RBFOX1: variants seen among roughly 807,000 people sequenced by gnomAD.
RBFOX1 encodes the protein RNA binding fox-1 homolog 1.
Under a neutral mutation model 57.7 loss-of-function variants are expected in RBFOX1, and 8 were observed. The observed-to-expected ratio is 0.14, with a 90% CI of 0.08 to 0.25. RBFOX1 has a LOEUF of 0.25. RBFOX1 is among the 10% of genes least tolerant of loss of function. The probability of loss-of-function intolerance (pLI) is 1.00; values close to 1 mark genes in which losing one functional copy is unlikely to be tolerated. For synonymous variants in RBFOX1, 326 were observed against 222.4 expected, an observed-to-expected ratio of 1.47 and a Z score of -4.15; for missense variants, 611 against 548.5, an observed-to-expected ratio of 1.11 and a Z score of -1.14.
chr16:6,158,783 C>T (rs1197317886), intron 1 of RBFOX1, among the ~76,000 whole-genome samples: 3 of 152,142 alleles, frequency 2.0e-5, no homozygotes, highest in Non-Finnish European at 4.4e-5. Context: ...TTATATTGCT[C>T]TGGGAAACTG....
intron 1 of RBFOX1, among the ~76,000 whole-genome samples, chr16:5,391,890 T>TACACAC (rs746461930): frequency 0.014 from 2,006 of 147,234 alleles, 47 homozygotes; most frequent in African/African-American, 0.046. Context: ...TGTGTGTGTA[T>TACACAC]ACACACACAC....
intron 3 of RBFOX1, among the ~76,000 whole-genome samples, chr16:6,983,237 A>G (rs922842836): frequency 1.3e-5 from 2 of 152,036 alleles, no homozygotes; most frequent in Admixed American, 6.6e-5. Context: ...CCTCTTGGTG[A>G]TGGCAGAGCT....
At chr16:5,868,446 A>G (rs28623442) in intron 4 of RBFOX1, among the ~76,000 whole-genome samples, 17,492 of 152,218 alleles carry the variant, frequency 0.11, 1,555 homozygotes, top group African/African-American at 0.24. Context: ...GGATGGTTAT[A>G]TCTCCCTTTG....
intron 4 of RBFOX1, among the ~76,000 whole-genome samples, chr16:7,515,467 C>A (rs758798457): frequency 6.7e-6 from 1 of 149,704 alleles, no homozygotes; most frequent in Non-Finnish European, 1.5e-5. Flanking sequence ...TTAAATCTCT[C>A]CACACACACA....
chr16:5,655,092 T>C (rs1281001068), intron 3 of RBFOX1, among the ~76,000 whole-genome samples: 1 of 152,162 alleles, frequency 6.6e-6, no homozygotes, highest in Non-Finnish European at 1.5e-5. Flanking sequence ...GAGACAAATC[T>C]AAGAGCAGGG....
chr16:5,645,081 CAA>C (rs55903936), intron 3 of RBFOX1, among the ~76,000 whole-genome samples: 97,686 of 144,640 alleles, frequency 0.68, 33,474 homozygotes, highest in Non-Finnish European at 0.75. Flanking sequence ...ACTAAAAATA[CAA>C]AAAAAAAAAA....
chr16:5,344,646 A>G (rs1726076268), intron 1 of RBFOX1, among the ~76,000 whole-genome samples: 1 of 152,166 alleles, frequency 6.6e-6, no homozygotes, highest in Non-Finnish European at 1.5e-5. Flanking sequence ...AGTTTGTGGC[A>G]GGGGAAACCT....
intron 2 of RBFOX1, among the ~76,000 whole-genome samples, chr16:6,366,729 C>T (rs1349099383): frequency 6.6e-6 from 1 of 152,168 alleles, no homozygotes; most frequent in Non-Finnish European, 1.5e-5. Context: ...ACAGAGGAGG[C>T]AACTGAGTCA....
chr16:7,108,735 G>T (rs1219491238), intron 4 of RBFOX1, among the ~76,000 whole-genome samples: 1 of 152,132 alleles, frequency 6.6e-6, no homozygotes, highest in African/African-American at 2.4e-5. Flanking sequence ...AGCACTAGTG[G>T]AAATTTATCT....
chr16:5,953,049 G>A (rs2059552489), intron 4 of RBFOX1, among the ~76,000 whole-genome samples: 3 of 141,108 alleles, frequency 2.1e-5, no homozygotes, highest in African/African-American at 7.8e-5. Context: ...ATCTCCTGCG[G>A]AAGATTATCA....
intron 1 of RBFOX1, among the ~76,000 whole-genome samples, chr16:5,434,145 G>A (rs569176258): frequency 2.6e-5 from 4 of 152,126 alleles, no homozygotes; most frequent in Admixed American, 6.5e-5. Context: ...TCATAGCTGC[G>A]TTTTGTTTTA....
chr16:6,579,493 G>A (rs1267062534), intron 2 of RBFOX1, among the ~76,000 whole-genome samples: 1 of 152,168 alleles, frequency 6.6e-6, no homozygotes, highest in African/African-American at 2.4e-5. Flanking sequence ...CTTCCATGCT[G>A]TTCTTGGGAT....
chr16:6,408,636 C>G (rs924702649), intron 2 of RBFOX1, among the ~76,000 whole-genome samples: 11 of 152,110 alleles, frequency 7.2e-5, no homozygotes, highest in East Asian at 1.9e-4. Flanking sequence ...GCCAGTTTCT[C>G]TCCTCTTCCC....
intron 1 of RBFOX1, among the ~76,000 whole-genome samples, chr16:5,299,062 T>C (rs1026026366): frequency 3.4e-5 from 5 of 148,644 alleles, no homozygotes; most frequent in African/African-American, 1.2e-4. Flanking sequence ...CCTGGAAAAT[T>C]CTTTCATAGC....
At chr16:5,425,323 C>T (rs956185237) in intron 1 of RBFOX1, among the ~76,000 whole-genome samples, 7 of 152,074 alleles carry the variant, frequency 4.6e-5, no homozygotes, top group Non-Finnish European at 1.0e-4. Flanking sequence ...CCAGGCTGGT[C>T]TCGGACTCCT....
At chr16:7,681,857 A>C (rs1172729397) in intron 14 of RBFOX1, among the ~76,000 whole-genome samples, 1 of 152,104 alleles carries the variant, frequency 6.6e-6, no homozygotes, top group Non-Finnish European at 1.5e-5. Flanking sequence ...CAAGTTTGAT[A>C]GGGATTGAAA....
At position 5,649,669 on chromosome 16, in the gene RBFOX1, G is replaced by A. The variant is rs1384392813; in HGVS notation, c.318+50708G>A. Reference sequence around the variant, plus strand: ...TTTTATCTTCTTTGTCTGTTTTTTGGTACTTTACAATTAGCAATATCCACG... The same window carrying A: ...TTTTATCTTCTTTGTCTGTTTTTTGATACTTTACAATTAGCAATATCCACG... On this transcript the variant is annotated intron_variant, in intron 3 of 19. Transcript: ENST00000641259. Among the ~76,000 whole-genome samples the A allele has an allele frequency of 2.0e-5, 3 of 151,884 alleles. No homozygotes were observed. In the East Asian group the frequency reaches 5.8e-4, roughly 29 times the overall value.
At chr16:6,601,115 C>T in intron 2 of RBFOX1, among the ~76,000 whole-genome samples, 1 of 152,206 alleles carries the variant, frequency 6.6e-6, no homozygotes. Context: ...TAAGTAACCC[C>T]TTTAGCCTAG....
chr16:5,847,190 A>T (rs1157444007), intron 3 of RBFOX1, among the ~76,000 whole-genome samples: 1 of 151,956 alleles, frequency 6.6e-6, no homozygotes, highest in East Asian at 1.9e-4. Flanking sequence ...GAAATACATG[A>T]CTCTCAGGTA....
Sources: gnomAD v4.1 joint callset for allele counts (sites outside exome capture counted in the v4.1 genomes callset) on GRCh38, gnomAD v4.1.1 for gene constraint, MANE v1.5 for transcripts, NCBI Gene and HGNC (gene_info 2026-07-23, HGNC 2026-07-21) for gene names.